The following ATP11C variants were observed in gnomAD, a reference collection of about 807,000 sequenced individuals.
ATP11C encodes phospholipid-transporting ATPase IG.
Under a neutral mutation model 97.4 loss-of-function variants are expected in ATP11C, and 36 were observed. The ratio of observed to expected loss-of-function variants is 0.37; its 90% CI spans 0.28 to 0.49. The LOEUF is 0.49. ATP11C is among the 20% of genes least tolerant of loss of function. The pLI is 0.98. For synonymous variants in ATP11C, 275 were observed against 290.9 expected (o/e 0.95, Z 0.56); for missense variants, 730 against 824.6 (o/e 0.89, Z 1.40).
At chrX:139,832,381 T>C in intron 1 of ATP11C, 1 of 950,766 alleles carries the variant, frequency 1.1e-6, no homozygotes, top group Non-Finnish European at 1.4e-6. Flanking sequence ...GATGACAGTC[T>C]ATTCCTTAAG....
At chrX:139,912,222 A>G (rs1350800011) in intron 1 of ATP11C, among the ~76,000 whole-genome samples, 1 of 109,884 alleles carries the variant, frequency 9.1e-6, no homozygotes, top group Non-Finnish European at 1.9e-5. Flanking sequence ...TGAGTAAAAA[A>G]CAATATACAA....
At chrX:139,897,049 G>A (rs2084821144) in intron 1 of ATP11C, among the ~76,000 whole-genome samples, 1 of 109,359 alleles carries the variant, frequency 9.1e-6, no homozygotes. Context: ...GCAAAATGGT[G>A]ACATCACGTC....
At chrX:139,860,802 A>G (rs903005997) in intron 1 of ATP11C, among the ~76,000 whole-genome samples, 2 of 112,420 alleles carry the variant, frequency 1.8e-5, no homozygotes, top group Admixed American at 9.4e-5. Context: ...TGGGCAACAG[A>G]GCGAGACTCC....
intron 12 of ATP11C, among the ~76,000 whole-genome samples, chrX:139,793,080 G>A (rs931530510): frequency 6.4e-4 from 71 of 111,462 alleles, no homozygotes; most frequent in African/African-American, 2.2e-3. Flanking sequence ...AGACAGAATT[G>A]AACTAGAGGA....
chrX:139,912,580 G>T (rs1345773339), intron 1 of ATP11C, among the ~76,000 whole-genome samples: 1 of 111,306 alleles, frequency 9.0e-6, no homozygotes, highest in Non-Finnish European at 1.9e-5. Context: ...CCATAACAAA[G>T]AAGTTCCCAC....
intron 1 of ATP11C, among the ~76,000 whole-genome samples, chrX:139,835,472 T>TC (rs2083732334): frequency 9.1e-6 from 1 of 110,379 alleles, no homozygotes; most frequent in Non-Finnish European, 1.9e-5. Flanking sequence ...TGGTGTGATC[T>TC]CGGCTCACTG....
intron 1 of ATP11C, among the ~76,000 whole-genome samples, chrX:139,844,450 G>A (rs750040097): frequency 3.6e-5 from 4 of 110,412 alleles, no homozygotes; most frequent in African/African-American, 6.5e-5. Flanking sequence ...GCCTGGTGCC[G>A]AGTAAGAAGA....
At chrX:139,915,922 T>C (rs2085149145) in intron 1 of ATP11C, among the ~76,000 whole-genome samples, 1 of 111,604 alleles carries the variant, frequency 9.0e-6, no homozygotes, top group Non-Finnish European at 1.9e-5. Context: ...AAAGGCATGA[T>C]GTATGTATTA....
intron 23 of ATP11C, 61 bp downstream of exon 23, chrX:139,757,747 A>T (rs2081965001): frequency 2.5e-6 from 2 of 798,741 alleles, no homozygotes; most frequent in Admixed American, 6.8e-5. Flanking sequence ...TCTAATATAT[A>T]AGGGTAATTT....
At chrX:139,931,783 C>T (rs2085438909) in intron 1 of ATP11C, among the ~76,000 whole-genome samples, 1 of 110,320 alleles carries the variant, frequency 9.1e-6, no homozygotes, top group South Asian at 4.0e-4. Context: ...TGTAACAGCT[C>T]CGGGAAGCCC....
intron 20 of ATP11C, among the ~76,000 whole-genome samples, chrX:139,765,264 A>G (rs2082113566): frequency 8.9e-6 from 1 of 112,137 alleles, no homozygotes; most frequent in Non-Finnish European, 1.9e-5. Flanking sequence ...CTATTCATCA[A>G]GTATAATAGC....
chrX:139,904,420 C>T (rs772416002), intron 1 of ATP11C, among the ~76,000 whole-genome samples: 1 of 110,407 alleles, frequency 9.1e-6, no homozygotes, highest in Admixed American at 9.7e-5. Context: ...TCCAGCTACT[C>T]GGGAGGTTGA....
chrX:139,799,644 CTTTTTTTTTTTTTT>C (rs754371113), intron 8 of ATP11C, among the ~76,000 whole-genome samples: 1 of 60,364 alleles, frequency 1.7e-5, no homozygotes, highest in Non-Finnish European at 2.7e-5. Context: ...CTTTATATTC[CTTTTTTTTTTTTTT>C]TTTTTTTTTT....
intron 17 of ATP11C, 120 bp from the exon 18 acceptor site, chrX:139,782,848 G>T: frequency 2.0e-6 from 1 of 501,494 alleles, no homozygotes; most frequent in Non-Finnish European, 3.1e-6. Context: ...CACATATTTA[G>T]TCTGAAAAAA....
At chrX:139,781,453 C>T (rs1399996500) in intron 18 of ATP11C, among the ~76,000 whole-genome samples, 2 of 112,609 alleles carry the variant, frequency 1.8e-5, no homozygotes, top group Non-Finnish European at 3.7e-5. Flanking sequence ...GCGGCTCATG[C>T]CTGTAATCCC....
Position 139,727,774 on chromosome X carries a change from A to G in ATP11C, c.*1192T>C, listed in dbSNP as rs1490875738. 1 of 112,195 alleles carries G rather than the reference A, an allele frequency of 8.9e-6. No individual in the cohort carries two copies. The highest frequency in any genetic ancestry group is 2.8e-4 in the East Asian group (1 of 3,565). The allele number at this position is 112,195 out of a possible 1,213,427, so 9.2% of individuals were successfully genotyped here. ...TTCACATTTATGTTTCAAGTGAACT[A>G]ATTAGAAGGCTAAACCTTCCTTCTA... On this transcript the variant is annotated 3_prime_UTR_variant, in exon 30 of 30. Coordinates refer to ENST00000682941, the MANE Select transcript of ATP11C (RefSeq NM_001353812.2).
intron 1 of ATP11C, among the ~76,000 whole-genome samples, chrX:139,895,620 C>T (rs1279389319): frequency 9.0e-6 from 1 of 111,440 alleles, no homozygotes; most frequent in East Asian, 2.8e-4. Flanking sequence ...TGTGTCTAAA[C>T]ATAGTGAGAT....
chrX:139,769,584 A>C (rs2082214521), intron 19 of ATP11C, among the ~76,000 whole-genome samples: 1 of 109,010 alleles, frequency 9.2e-6, no homozygotes, highest in Non-Finnish European at 1.9e-5. Context: ...ATTTAAGAAA[A>C]ATATAGTGTA....
chrX:139,846,788 G>A lies in ATP11C; in HGVS notation c.28-19965C>T, dbSNP rs1273372492. On this transcript the variant is annotated intron_variant, in intron 1 of 29. Transcript: ENST00000682941. Reference sequence around the variant, plus strand: ...GTTAGAATAAACATTAGGATTTGGAGTAGGAAGCCTATAATGTAGAACTTT... The same window carrying A: ...GTTAGAATAAACATTAGGATTTGGAATAGGAAGCCTATAATGTAGAACTTT... Among the ~76,000 whole-genome samples the A allele has an allele frequency of 2.7e-5, 3 of 111,319 alleles. No homozygotes were observed. The East Asian group carries it at 8.4e-4, about 31-fold the overall frequency.
Sources: allele counts gnomAD v4.1 joint callset (sites outside exome capture counted in the v4.1 genomes callset), GRCh38; gene constraint gnomAD v4.1.1; transcripts MANE v1.5; gene names NCBI Gene and HGNC (gene_info 2026-07-23, HGNC 2026-07-21).